The following URM1 variants were observed in gnomAD, a reference collection of about 807,000 sequenced individuals.
URM1 encodes ubiquitin-related modifier 1.
URM1 carries 11 observed loss-of-function variants against 17.7 expected under a neutral mutation model. The observed-to-expected ratio is 0.62, with a 90% CI of 0.39 to 1.03. The LOEUF (loss-of-function observed/expected upper bound fraction) is 1.03, where lower values mean the gene tolerates loss of function less well. Ranked by LOEUF, URM1 falls within the 50% of genes least tolerant of loss-of-function variation. URM1 has a pLI of 0.00. For missense variants in URM1, 128 were observed against 129.2 expected (o/e 0.99, Z 0.04); for synonymous variants, 48 against 50.6 (o/e 0.95, Z 0.22).
chr9:128,383,764 G>C (rs1833191293), intron 2 of URM1, among the ~76,000 whole-genome samples: 1 of 152,180 alleles, frequency 6.6e-6, no homozygotes, highest in South Asian at 2.1e-4. Flanking sequence ...CTTTGAGGTT[G>C]TTCCGTTTCA....
intron 3 of URM1, chr9:128,388,968 T>C (rs545742392): frequency 1.6e-6 from 2 of 1,239,530 alleles, no homozygotes; most frequent in East Asian, 3.4e-5. Flanking sequence ...ACTTATCCCA[T>C]TTTCAGATGA....
At chr9:128,379,656 T>A (rs1317833829) in intron 2 of URM1, among the ~76,000 whole-genome samples, 1 of 151,702 alleles carries the variant, frequency 6.6e-6, no homozygotes, top group Non-Finnish European at 1.5e-5. Flanking sequence ...AAAAATTAGC[T>A]GGGCGTGGTG....
intron 2 of URM1, 98 bp downstream of exon 2, chr9:128,378,204 G>A (rs1028880615): frequency 2.1e-5 from 17 of 824,414 alleles, no homozygotes; most frequent in East Asian, 1.1e-4. Flanking sequence ...TTCTGCATCC[G>A]TGTGCTAAGC....
In URM1 at chr9:128,387,895, C is replaced by T. The variant is rs766952146; in HGVS notation, c.186C>T (p.Ser62=). 8 of 1,613,792 alleles carry T rather than the reference C, an allele frequency of 5.0e-6. No individual in the cohort carries two copies. In the East Asian group the frequency reaches 1.8e-4, roughly 36 times the overall value. ...ERPELFIQGD[S]VRPGILVLIN... is the part of the protein sequence containing the mutation. ...CAGAGTTGTTCATCCAGGGAGACAG[C>T]GTGTGAGTCCCACTCCTCCCTTCCC... is the stretch of plus-strand genomic sequence containing the variant. Residue 62 remains serine (S), a splice_region_variant and synonymous_variant, in exon 3 of 5, where the codon AGC becomes AGT. Coordinates refer to ENST00000372853, the MANE Select transcript of URM1 (RefSeq NM_030914.4). This position sits in a 1 kb window ranked among gnomAD's most constrained non-coding sequence, Gnocchi z 4.3.
rs143018451 is a variant in URM1 at position 128,385,091 on chromosome 9, C to A, written c.107-2725C>A. Among the ~76,000 whole-genome samples the A allele has an allele frequency of 8.8e-3, 1,341 of 152,294 alleles. 20 individuals carry two copies. The highest frequency in any genetic ancestry group is 0.074 in the South Asian group (357 of 4,824). On this transcript the variant is annotated intron_variant, in intron 2 of 4. Transcript: ENST00000372853. The stretch of plus-strand genomic sequence containing the variant: ...GCTGAGGTTCACTGGGAGGGAGAGG[C>A]CCCTACGGGAGCAGGCCCGTTCTCA...
chr9:128,378,817 C>T (rs914730673), intron 2 of URM1, among the ~76,000 whole-genome samples: 9 of 151,388 alleles, frequency 5.9e-5, no homozygotes, highest in Admixed American at 1.3e-4. Context: ...CATAGCGGTG[C>T]GCGCTTGTAA....
In URM1 at chr9:128,371,386, T is replaced by C. The variant is rs1278989161; in HGVS notation, c.6T>C (p.Ala2=). ...GCGAGCTCGGCTTCCTCAACATGGC[T>C]GCGCCCTTGTCAGTGGAGGTGGAGT... is the stretch of plus-strand genomic sequence containing the variant. M[A]APLSVEVEFG... is the part of the protein sequence containing the mutation. Residue 2 remains alanine, a synonymous_variant, in exon 1 of 5, where the codon GCT becomes GCC. Coordinates refer to ENST00000372853, the MANE Select transcript of URM1 (RefSeq NM_030914.4). The C allele has an allele frequency of 1.9e-6, 3 of 1,613,080 alleles. No homozygotes were observed. Among genetic ancestry groups the C allele is most frequent in the Non-Finnish European group, 2.5e-6 (3 of 1,179,358 alleles).
chr9:128,378,556 A>C (rs1299014626), intron 2 of URM1, among the ~76,000 whole-genome samples: 3 of 142,198 alleles, frequency 2.1e-5, no homozygotes, highest in African/African-American at 3.0e-5. Context: ...AAAAAAAAAA[A>C]AAAAAAAAAA....
Position 128,389,320 on chromosome 9 carries a change from TGGG to T in URM1, c.237+14_237+16del. 6.2e-7 allele frequency: 1 copy of T among 1,613,850 alleles called. No individual in the cohort carries two copies. Among genetic ancestry groups the T allele is most frequent in the Non-Finnish European group, 8.5e-7 (1 of 1,179,954 alleles). On this transcript the variant is annotated intron_variant, in intron 4 of 4. Coordinates refer to ENST00000372853, the MANE Select transcript of URM1 (RefSeq NM_030914.4). Reference sequence around the variant, plus strand: ...GACTGGGAGCTACTGGTCAGTACCTTGGGGGACATCCCTCCCCCAGCCCCTGCC... The same window carrying T: ...GACTGGGAGCTACTGGTCAGTACCTTGGACATCCCTCCCCCAGCCCCTGCC...
intron 2 of URM1, among the ~76,000 whole-genome samples, chr9:128,379,131 G>A (rs564248024): frequency 6.6e-6 from 1 of 152,216 alleles, no homozygotes; most frequent in South Asian, 2.1e-4. Flanking sequence ...GGGGAGAAGA[G>A]GGCATCAGTT....
In URM1 at chr9:128,391,456, G is replaced by A. The variant is rs1833313950; in HGVS notation, c.*1722G>A. On this transcript the variant is annotated 3_prime_UTR_variant, in exon 5 of 5. Transcript: ENST00000372853. Reference sequence around the variant, plus strand: ...TGGGGTCTGAGTGCTGTCCAGAAAGGCTGTGTGACCAACCCTCACTAGTTC... The same window carrying A: ...TGGGGTCTGAGTGCTGTCCAGAAAGACTGTGTGACCAACCCTCACTAGTTC... 6.6e-6 allele frequency: 1 copy of A among 152,348 alleles called. No homozygotes were observed. Among genetic ancestry groups the A allele is most frequent in the African/African-American group, 2.4e-5 (1 of 41,446 alleles). 9.4% of individuals were successfully genotyped at this position (152,348 alleles called of 1,614,324 possible).
intron 3 of URM1, 117 bp downstream of exon 3, chr9:128,388,014 T>A: frequency 6.8e-7 from 1 of 1,469,780 alleles, no homozygotes. Context: ...TCCTCCTCCC[T>A]AACTCTTCCA....
chr9:128,389,377 C>T, intron 4 of URM1, 68 bp downstream of exon 4: 1 of 1,613,760 alleles, frequency 6.2e-7, no homozygotes, highest in African/African-American at 1.3e-5. Context: ...AAGCGTTGGG[C>T]CTCTCCTCAG....
intron 1 of URM1, among the ~76,000 whole-genome samples, chr9:128,377,041 A>C (rs1041028334): frequency 3.9e-5 from 6 of 152,192 alleles, no homozygotes; most frequent in African/African-American, 1.4e-4. Flanking sequence ...AATTACATAG[A>C]GACAGGGTCT....
At chr9:128,378,174 C>A in intron 2 of URM1, 68 bp downstream of exon 2, 2 of 1,103,544 alleles carry the variant, frequency 1.8e-6, no homozygotes, top group Non-Finnish European at 2.7e-6. Flanking sequence ...GGGGAACACT[C>A]AGCCCCGTTC....
chr9:128,379,867 C>T (rs1564410845), intron 2 of URM1, among the ~76,000 whole-genome samples: 1 of 152,066 alleles, frequency 6.6e-6, no homozygotes, highest in African/African-American at 2.4e-5. Context: ...AATCCTAACA[C>T]TTTGGGAGTC....
Position 128,389,413 on chromosome 9 carries a change from C to T in URM1, c.237+104C>T, listed in dbSNP as rs756428356. 6.3e-5 allele frequency: 101 copies of T among 1,602,862 alleles called. No homozygotes were observed. The highest frequency in any genetic ancestry group is 2.7e-4 in the East Asian group (12 of 44,506). ...GCACATATAGAGTGGCTGGGTAATC[C>T]TCCGCCCCACTCCAGCCCCACACTG... On this transcript the variant is annotated intron_variant, in intron 4 of 4. Coordinates refer to ENST00000372853, the MANE Select transcript of URM1 (RefSeq NM_030914.4).
chr9:128,373,898 CAAAA>C (rs1434559957), intron 1 of URM1, among the ~76,000 whole-genome samples: 1 of 152,014 alleles, frequency 6.6e-6, no homozygotes, highest in Non-Finnish European at 1.5e-5. Context: ...AGTAAATAAA[CAAAA>C]TATATATATA....
chr9:128,372,638 A>T (rs1833028287), intron 1 of URM1, among the ~76,000 whole-genome samples: 2 of 152,064 alleles, frequency 1.3e-5, no homozygotes, highest in African/African-American at 4.8e-5. Flanking sequence ...TTAGAACTGT[A>T]TTGGTCTGGA....
Sources: allele counts gnomAD v4.1 joint callset (sites outside exome capture counted in the v4.1 genomes callset), GRCh38; gene constraint gnomAD v4.1.1; non-coding constraint Gnocchi (gnomAD v3.1); transcripts MANE v1.5; gene names NCBI Gene and HGNC (gene_info 2026-07-23, HGNC 2026-07-21).